The following GC variants were observed in gnomAD, a reference collection of about 807,000 sequenced individuals.
The protein encoded by GC is GC vitamin D binding protein, also known as vitamin D-binding protein.
GC carries 43 observed loss-of-function variants against 56.7 expected under a neutral mutation model. The observed-to-expected ratio is 0.76, with a 90% CI of 0.59 to 0.98. GC has a LOEUF of 0.98. GC is among the 50% of genes least tolerant of loss of function. The pLI, the probability that GC is intolerant of heterozygous loss-of-function variation, is 0.00. For missense variants in GC, 529 were observed against 545.9 expected, an observed-to-expected ratio of 0.97 and a Z score of 0.31; for synonymous variants, 216 against 202.7, an observed-to-expected ratio of 1.07 and a Z score of -0.56.
chr4:71,805,400 C>T (rs1465679191), upstream of GC, among the ~76,000 whole-genome samples: 2 of 152,170 alleles, frequency 1.3e-5, no homozygotes, highest in Non-Finnish European at 1.5e-5. Context: ...GGGACACCAG[C>T]TGCTGGGTTC....
At chr4:71,758,883 G>A (rs1741873164) in intron 6 of GC, among the ~76,000 whole-genome samples, 1 of 151,984 alleles carries the variant, frequency 6.6e-6, no homozygotes, top group African/African-American at 2.4e-5. Flanking sequence ...TTTTTCTCAT[G>A]CAAAACTAAA....
At position 71,769,433 on chromosome 4, in the gene GC, T is replaced by C. The variant is rs1283209280; in HGVS notation, c.59-33A>G. On this transcript the variant is annotated intron_variant, in intron 1 of 12. Coordinates refer to ENST00000273951, the MANE Select transcript of GC (RefSeq NM_000583.4). Reference sequence around the variant, plus strand: ...GCAGAAATAGAAAAATTTGTATGTGTCCCCTTTTGATGAATATTATGTTAC... The same window carrying C: ...GCAGAAATAGAAAAATTTGTATGTGCCCCCTTTTGATGAATATTATGTTAC... 13 of 1,400,954 alleles carry C rather than the reference T, an allele frequency of 9.3e-6. 1 individual carries two copies. Among genetic ancestry groups the C allele is most frequent in the South Asian group, 3.5e-5 (3 of 85,708 alleles). 86.8% of individuals were successfully genotyped at this position (1,400,954 alleles called of 1,614,324 possible). A position where few individuals can be genotyped will look rare whatever the true frequency, so the allele number is the denominator to read the frequency against.
chr4:71,760,762 A>G (rs1433076777), intron 6 of GC, among the ~76,000 whole-genome samples: 1 of 152,154 alleles, frequency 6.6e-6, no homozygotes, highest in Non-Finnish European at 1.5e-5. Context: ...TGAGTCTCAC[A>G]AGATCTGATA....
intron 1 of GC, among the ~76,000 whole-genome samples, chr4:71,779,953 A>T (rs1052607923): frequency 6.6e-6 from 1 of 151,868 alleles, no homozygotes; most frequent in Non-Finnish European, 1.5e-5. Context: ...ATAAAAAAAA[A>T]TGCTGTGAAT....
At chr4:71,753,674 T>C (rs575804545) in intron 10 of GC, among the ~76,000 whole-genome samples, 13 of 152,304 alleles carry the variant, frequency 8.5e-5, no homozygotes, top group African/African-American at 2.9e-4. Context: ...CTTCTCTTAA[T>C]TGAGAAAAAT....
chr4:71,754,867 T>A, intron 9 of GC, 111 bp downstream of exon 9: 2 of 656,000 alleles, frequency 3.0e-6, no homozygotes, highest in Non-Finnish European at 5.2e-6. Context: ...ATTCTTCTGT[T>A]CTTAGTTTGT....
chr4:71,801,218 A>C (rs1743240565), intron 1 of GC, among the ~76,000 whole-genome samples: 1 of 152,232 alleles, frequency 6.6e-6, no homozygotes, highest in East Asian at 1.9e-4. Context: ...CAATAGGCAC[A>C]TGGAGGAGTC....
At chr4:71,802,405 AC>A (rs1397927330) in intron 1 of GC, among the ~76,000 whole-genome samples, 1 of 152,204 alleles carries the variant, frequency 6.6e-6, no homozygotes, top group Non-Finnish European at 1.5e-5. Context: ...TTAGGCCCAT[AC>A]AATCTTTTAG....
At chr4:71,780,779 T>C (rs930830383) in intron 1 of GC, among the ~76,000 whole-genome samples, 2 of 152,290 alleles carry the variant, frequency 1.3e-5, no homozygotes, top group Middle Eastern at 3.4e-3. Flanking sequence ...ACTTCTACAC[T>C]GTTGGTGGGA....
At chr4:71,758,224 G>A in intron 6 of GC, 53 bp from the exon 7 acceptor site, 2 of 1,515,246 alleles carry the variant, frequency 1.3e-6, no homozygotes, top group Non-Finnish European at 1.8e-6. Context: ...AGTTTTCTTG[G>A]TTTCGTGATG....
In GC at chr4:71,741,777, G is replaced by T; in HGVS notation, c.*119C>A. 3 of 697,756 alleles carry T rather than the reference G, an allele frequency of 4.3e-6. No individual in the cohort carries two copies. Among genetic ancestry groups the T allele is most frequent in the Non-Finnish European group, 7.8e-6 (3 of 383,780 alleles). The allele number at this position is 697,756 out of a possible 1,614,324, so 43.2% of individuals were successfully genotyped here. A position where few individuals can be genotyped will look rare whatever the true frequency, so the allele number is the denominator to read the frequency against. ...TATGAAGATATTGTAGCTAGAAAAA[G>T]TAGAAAGTATCCTAGTTGTCTTCCC... On this transcript the variant is annotated 3_prime_UTR_variant, in exon 13 of 13. Coordinates refer to ENST00000273951, the MANE Select transcript of GC (RefSeq NM_000583.4).
intron 1 of GC, among the ~76,000 whole-genome samples, chr4:71,792,119 T>A (rs1326493299): frequency 6.6e-6 from 1 of 152,236 alleles, no homozygotes; most frequent in East Asian, 1.9e-4. Flanking sequence ...AGTGCTGCAA[T>A]AAACATATGT....
chr4:71,780,314 A>G (rs1276918397), intron 1 of GC, among the ~76,000 whole-genome samples: 2 of 152,188 alleles, frequency 1.3e-5, no homozygotes, highest in South Asian at 2.1e-4. Context: ...CATTCAGGAC[A>G]TAGGTGTGGA....
At chr4:71,768,531 T>G in intron 2 of GC, 98 bp from the exon 3 acceptor site, 7 of 1,016,816 alleles carry the variant, frequency 6.9e-6, no homozygotes, top group Non-Finnish European at 7.1e-6. Flanking sequence ...TGCAGTGGTG[T>G]GATCTCAGCT....
At chr4:71,785,059 C>T (rs1742800808), upstream of GC, among the ~76,000 whole-genome samples, 1 of 151,694 alleles carries the variant, frequency 6.6e-6, no homozygotes, top group Admixed American at 6.6e-5. Flanking sequence ...AAAATCAAAT[C>T]CCTACTCAGC....
At chr4:71,758,210 T>C (rs767191138) in intron 6 of GC, 39 bp from the exon 7 acceptor site, 6 of 1,580,434 alleles carry the variant, frequency 3.8e-6, no homozygotes, top group Admixed American at 1.7e-5. Context: ...TTATCAACAT[T>C]CTCAGTTTTC....
intron 1 of GC, among the ~76,000 whole-genome samples, chr4:71,773,107 C>T (rs16847015): frequency 1.5e-3 from 228 of 152,024 alleles, no homozygotes; most frequent in East Asian, 0.012. Context: ...TAAAATTATA[C>T]GCTCTGTTTT....
At chr4:71,743,065 G>C (rs1390619162) in intron 12 of GC, among the ~76,000 whole-genome samples, 2 of 152,176 alleles carry the variant, frequency 1.3e-5, no homozygotes, top group African/African-American at 4.8e-5. Context: ...TTGAAGGCTT[G>C]AAGAAAAAGA....
chr4:71,773,568 A>G lies in GC; in HGVS notation c.59-4168T>C, dbSNP rs533971257. ...ACTTTCGTTGTAATGGGGATAGCTA[A>G]TAAGATACTGCTTTGTTACAAAGTT... On this transcript the variant is annotated intron_variant, in intron 1 of 12. Transcript: ENST00000273951. Among the ~76,000 whole-genome samples the G allele has an allele frequency of 2.0e-5, 3 of 152,168 alleles. No individual in the cohort carries two copies. The South Asian group carries it at 6.2e-4, about 32-fold the overall frequency.
Sources: gnomAD v4.1 joint callset for allele counts (sites outside exome capture counted in the v4.1 genomes callset) on GRCh38, gnomAD v4.1.1 for gene constraint, MANE v1.5 for transcripts, NCBI Gene and HGNC (gene_info 2026-07-23, HGNC 2026-07-21) for gene names.